SMIM36: variants seen among roughly 807,000 people sequenced by gnomAD.
SMIM36 encodes the protein small integral membrane protein 36.
chr17:55,509,023 A>G (rs1160140073), intron 1 of SMIM36, among the ~76,000 whole-genome samples: 1 of 152,186 alleles, frequency 6.6e-6, no homozygotes, highest in East Asian at 1.9e-4. Flanking sequence ...TTTAAATCAC[A>G]TACTTAAGAG....
At chr17:55,525,909 C>T in the SMIM36 span, among the ~76,000 whole-genome samples, 1 of 152,040 alleles carries the variant, frequency 6.6e-6, no homozygotes, top group Non-Finnish European at 1.5e-5. Context: ...CCGCCTGCCT[C>T]GACTTCTCAA....
intron 4 of SMIM36, among the ~76,000 whole-genome samples, chr17:55,460,743 A>T (rs1004780600): frequency 3.3e-5 from 5 of 152,092 alleles, no homozygotes; most frequent in Non-Finnish European, 5.9e-5. Flanking sequence ...CTGTAGTCCC[A>T]GCTACTCGGG....
the SMIM36 span, among the ~76,000 whole-genome samples, chr17:55,516,476 T>A: frequency 2.6e-5 from 4 of 151,372 alleles, no homozygotes; most frequent in African/African-American, 9.7e-5. Context: ...GCTTTGTGTA[T>A]CAAGAGACCA....
chr17:55,451,220 TA>T (rs2143219450), intron 4 of SMIM36, among the ~76,000 whole-genome samples: 1 of 152,254 alleles, frequency 6.6e-6, no homozygotes, highest in Admixed American at 6.5e-5. Context: ...ACTAAGACCC[TA>T]ATTCCAGATG....
At chr17:55,513,255 T>C (rs1341091783), upstream of SMIM36, among the ~76,000 whole-genome samples, 2 of 151,914 alleles carry the variant, frequency 1.3e-5, no homozygotes, top group South Asian at 2.1e-4. Context: ...GCTATAAAAG[T>C]AGAAAAAAAG....
chr17:55,483,139 C>T (rs1359278655), intron 1 of SMIM36, among the ~76,000 whole-genome samples: 2 of 152,198 alleles, frequency 1.3e-5, no homozygotes, highest in Admixed American at 1.3e-4. Context: ...ACATAGGAAG[C>T]AGCAGAACCA....
At chr17:55,527,372 C>G in the SMIM36 span, among the ~76,000 whole-genome samples, 1,213 of 152,134 alleles carry the variant, frequency 8.0e-3, 7 homozygotes, top group Non-Finnish European at 0.012. Context: ...TAAATTTAGC[C>G]AAGATCTAGT....
chr17:55,510,172 G>A (rs1910156266), intron 1 of SMIM36, among the ~76,000 whole-genome samples: 2 of 151,960 alleles, frequency 1.3e-5, no homozygotes, highest in South Asian at 4.2e-4. Flanking sequence ...GCAAGTAGAA[G>A]AGGCAGGATT....
chr17:55,502,284 C>T (rs1195770759), intron 1 of SMIM36, among the ~76,000 whole-genome samples: 2 of 145,906 alleles, frequency 1.4e-5, no homozygotes, highest in Non-Finnish European at 3.0e-5. Context: ...CACAGACAAA[C>T]AAAAAGACAG....
At position 55,508,393 on chromosome 17, in the gene SMIM36, C is replaced by T. The variant is rs563104881; in HGVS notation, c.*174+2486G>A. The stretch of plus-strand genomic sequence containing the variant: ...TATATATATTCTCTCTATATATTCC[C>T]GTAAAATATATACATATTTTATATA... On this transcript the variant is annotated intron_variant, in intron 1 of 4. Transcript: ENST00000636752. 6.4e-5 allele frequency among the ~76,000 whole-genome samples: 9 copies of T among 141,462 alleles called. No homozygotes were observed. The South Asian group carries it at 8.9e-4, about 14-fold the overall frequency. 92.8% of individuals were successfully genotyped at this position (141,462 alleles called of 152,430 possible).
At chr17:55,486,996 A>G (rs1909618292) in intron 1 of SMIM36, among the ~76,000 whole-genome samples, 1 of 152,316 alleles carries the variant, frequency 6.6e-6, no homozygotes, top group East Asian at 1.9e-4. Flanking sequence ...TGAGAATACA[A>G]AGGAGAATAA....
At chr17:55,468,027 T>C (rs1909274604) in intron 3 of SMIM36, 1 of 152,242 alleles carries the variant, frequency 6.6e-6, no homozygotes, top group South Asian at 2.1e-4. Context: ...CCTTTGACTG[T>C]AATTTTTCAC....
chr17:55,476,268 T>C (rs1390162541), intron 3 of SMIM36, among the ~76,000 whole-genome samples: 2 of 152,118 alleles, frequency 1.3e-5, no homozygotes, highest in South Asian at 2.1e-4. Context: ...TTTGTGACAT[T>C]CCTTCTCCTG....
chr17:55,452,905 T>A (rs747200811), intron 4 of SMIM36, among the ~76,000 whole-genome samples: 1 of 152,216 alleles, frequency 6.6e-6, no homozygotes, highest in Non-Finnish European at 1.5e-5. Flanking sequence ...GGAAGTAAGA[T>A]GCTCAGTGAT....
Position 55,485,882 on chromosome 17 carries a change from A to AT in SMIM36, c.*175-6303dup, listed in dbSNP as rs368721134. Among the ~76,000 whole-genome samples the AT allele has an allele frequency of 5.2e-3, 796 of 152,328 alleles. 4 individuals carry two copies. The highest frequency in any genetic ancestry group is 0.018 in the African/African-American group (752 of 41,578). ...AAAGCTAGAGTTTGAACTAGGCAGT[A>AT]TATCACTAGCATCCATATATATTCT... On this transcript the variant is annotated intron_variant, in intron 1 of 4. Transcript: ENST00000636752.
intron 1 of SMIM36, among the ~76,000 whole-genome samples, chr17:55,489,173 T>C (rs1189590566): frequency 6.6e-6 from 1 of 150,546 alleles, no homozygotes; most frequent in African/African-American, 2.4e-5. Context: ...AGGTCAGGAG[T>C]TCAAGACAAG....
chr17:55,518,129 A>G, the SMIM36 span, among the ~76,000 whole-genome samples: 1 of 152,214 alleles, frequency 6.6e-6, no homozygotes, highest in South Asian at 2.1e-4. Context: ...CTAAGATTGA[A>G]GGGCCACCAT....
chr17:55,452,102 C>CAAAAAAAAAAA (rs1156887430), intron 4 of SMIM36, among the ~76,000 whole-genome samples: 1 of 51,760 alleles, frequency 1.9e-5, no homozygotes, highest in African/African-American at 7.9e-5. Context: ...TCAATCTCTA[C>CAAAAAAAAAAA]AAAAAAAAAA....
exon 1 of SMIM36, chr17:55,511,317 C>A: frequency 2.5e-6 from 1 of 398,644 alleles, no homozygotes; most frequent in South Asian, 1.3e-4. Context: ...CAGGGTCGAT[C>A]TCCAAGTAGA....
Sources: allele counts gnomAD v4.1 joint callset (sites outside exome capture counted in the v4.1 genomes callset), GRCh38; gene constraint gnomAD v4.1.1; transcripts MANE v1.5; gene names NCBI Gene and HGNC (gene_info 2026-07-23, HGNC 2026-07-21).